Variants in CSMD1 observed in about 807,000 individuals in gnomAD.
CSMD1 encodes CUB and Sushi multiple domains 1, also known as CUB and sushi domain-containing protein 1.
In CSMD1, 213 loss-of-function variants were observed where a neutral mutation model predicts 417.5. That is an observed-to-expected ratio of 0.51 (90% CI 0.46 to 0.57). CSMD1 has a LOEUF of 0.57. Among genes scored for constraint, CSMD1 ranks in the 20% least tolerant of loss-of-function variants. The probability of loss-of-function intolerance (pLI) is 0.00; values close to 1 mark genes in which losing one functional copy is unlikely to be tolerated. For missense variants in CSMD1, 6,923 were observed against 4,529.7 expected, an observed-to-expected ratio of 1.53 and a Z score of -15.17; for synonymous variants, 2,862 against 1,736.8, an observed-to-expected ratio of 1.65 and a Z score of -16.11.
chr8:3,262,542 A>G (rs931778767), intron 26 of CSMD1, among the ~76,000 whole-genome samples: 23 of 151,966 alleles, frequency 1.5e-4, no homozygotes, highest in African/African-American at 5.3e-4. Flanking sequence ...GCCAAATGAA[A>G]AAAAAAAGAA....
At chr8:3,073,599 G>A (rs1051705254) in intron 49 of CSMD1, among the ~76,000 whole-genome samples, 5 of 152,062 alleles carry the variant, frequency 3.3e-5, no homozygotes, top group Admixed American at 2.6e-4. Context: ...AAATAGAGAG[G>A]ACTTTTCTAG....
At chr8:3,971,570 A>G (rs938760871) in intron 5 of CSMD1, among the ~76,000 whole-genome samples, 3 of 152,214 alleles carry the variant, frequency 2.0e-5, no homozygotes, top group African/African-American at 4.8e-5. Flanking sequence ...TAAAAAATTA[A>G]TACCATAATT....
At chr8:4,038,300 C>T (rs2688295) in intron 3 of CSMD1, among the ~76,000 whole-genome samples, 51,514 of 151,590 alleles carry the variant, frequency 0.34, 9,134 homozygotes, top group African/African-American at 0.43. Context: ...TTTCAAACAC[C>T]AAAAAACGCA....
chr8:4,651,348 G>C (rs957278853), intron 1 of CSMD1, among the ~76,000 whole-genome samples: 7 of 152,076 alleles, frequency 4.6e-5, no homozygotes, highest in African/African-American at 1.7e-4. Flanking sequence ...TAATAGCGTT[G>C]AATATTCAAG....
chr8:3,213,032 G>C (rs1250537443), intron 30 of CSMD1, among the ~76,000 whole-genome samples: 1 of 151,882 alleles, frequency 6.6e-6, no homozygotes, highest in Non-Finnish European at 1.5e-5. Context: ...GTTTCTCCAT[G>C]TTAGCCATGG....
intron 28 of CSMD1, among the ~76,000 whole-genome samples, chr8:3,219,655 A>G (rs1798088541): frequency 6.6e-6 from 1 of 152,174 alleles, no homozygotes; most frequent in African/African-American, 2.4e-5. Flanking sequence ...TATTTGCCTA[A>G]TTACCATCAT....
At chr8:4,690,369 G>T (rs1055679597) in intron 1 of CSMD1, among the ~76,000 whole-genome samples, 1 of 152,054 alleles carries the variant, frequency 6.6e-6, no homozygotes, top group African/African-American at 2.4e-5. Context: ...AGTTTTGAAT[G>T]AGTAAATGGG....
At chr8:3,518,174 T>C (rs569517782) in intron 10 of CSMD1, among the ~76,000 whole-genome samples, 1 of 152,200 alleles carries the variant, frequency 6.6e-6, no homozygotes, top group Non-Finnish European at 1.5e-5. Flanking sequence ...AAATGTTGTA[T>C]GGTTATTAGC....
intron 12 of CSMD1, among the ~76,000 whole-genome samples, chr8:3,411,576 G>C (rs1469809918): frequency 6.6e-6 from 1 of 151,028 alleles, no homozygotes; most frequent in African/African-American, 2.4e-5. Flanking sequence ...ACTTCACTTA[G>C]AATAATAGTC....
chr8:3,389,736 A>T (rs1811233824), intron 17 of CSMD1, among the ~76,000 whole-genome samples: 1 of 152,194 alleles, frequency 6.6e-6, no homozygotes, highest in Non-Finnish European at 1.5e-5. Flanking sequence ...GTGAAAAGAG[A>T]CAAACTGCGG....
At chr8:3,903,021 C>T (rs891337938) in intron 5 of CSMD1, among the ~76,000 whole-genome samples, 1 of 152,100 alleles carries the variant, frequency 6.6e-6, no homozygotes. Flanking sequence ...ATGCACGTTT[C>T]TGTGTTATTA....
chr8:3,462,338 A>G (rs1435747519), intron 12 of CSMD1, among the ~76,000 whole-genome samples: 4 of 152,284 alleles, frequency 2.6e-5, no homozygotes. Flanking sequence ...CCCAACCCCC[A>G]GGCCAGGGAC....
chr8:2,984,968 C>A (rs1256455014), intron 54 of CSMD1, among the ~76,000 whole-genome samples: 1 of 152,174 alleles, frequency 6.6e-6, no homozygotes, highest in Non-Finnish European at 1.5e-5. Flanking sequence ...TAAAGTATAA[C>A]TTCTTTAAGT....
At chr8:3,113,437 C>T (rs762918983) in intron 42 of CSMD1, 1 of 152,220 alleles carries the variant, frequency 6.6e-6, no homozygotes, top group African/African-American at 2.4e-5. Context: ...GCTATTTGCT[C>T]ATGTATTTTT....
chr8:3,410,708 C>G (rs930378961), intron 12 of CSMD1, among the ~76,000 whole-genome samples: 3 of 152,028 alleles, frequency 2.0e-5, no homozygotes, highest in Non-Finnish European at 4.4e-5. Flanking sequence ...CAGACTAATA[C>G]AGGGGTTATG....
Position 3,844,920 on chromosome 8 carries a change from C to CACAAATAT in CSMD1, c.819-90879_819-90878insATATTTGT, listed in dbSNP as rs879900356. ...CAATATTTGTCTGTGCATTTAAAAA[C>CACAAATAT]TGCCATCAGAATGCTTGATTTTTAT... On this transcript the variant is annotated intron_variant, in intron 5 of 69. Transcript: ENST00000635120. Among the ~76,000 whole-genome samples, 154 of 152,190 alleles carry CACAAATAT rather than the reference C, an allele frequency of 1.0e-3. 2 individuals carry two copies. Among genetic ancestry groups the CACAAATAT allele is most frequent in the African/African-American group, 3.2e-3 (134 of 41,492 alleles).
At chr8:3,769,761 G>T (rs1030256717) in intron 5 of CSMD1, among the ~76,000 whole-genome samples, 6 of 152,050 alleles carry the variant, frequency 3.9e-5, no homozygotes, top group African/African-American at 7.2e-5. Flanking sequence ...TGGCAATTTG[G>T]TATTATTTCT....
At chr8:4,066,394 T>C (rs1799250542) in intron 3 of CSMD1, among the ~76,000 whole-genome samples, 1 of 151,996 alleles carries the variant, frequency 6.6e-6, no homozygotes, top group Non-Finnish European at 1.5e-5. Flanking sequence ...ATGTTTGGCA[T>C]GTCCTCTTAA....
At chr8:3,737,245 C>T (rs533611250) in intron 6 of CSMD1, among the ~76,000 whole-genome samples, 11 of 152,094 alleles carry the variant, frequency 7.2e-5, no homozygotes, top group African/African-American at 2.2e-4. Context: ...AGAGATAAGC[C>T]GATTGGGAGT....
Sources: gnomAD v4.1 joint callset for allele counts (sites outside exome capture counted in the v4.1 genomes callset) on GRCh38, gnomAD v4.1.1 for gene constraint, MANE v1.5 for transcripts, NCBI Gene and HGNC (gene_info 2026-07-23, HGNC 2026-07-21) for gene names.